The following ZNF462 variants were observed in gnomAD, a reference collection of about 807,000 sequenced individuals.
The protein encoded by ZNF462 is zinc finger PBX1-interacting protein.
Under a neutral mutation model 201.9 loss-of-function variants are expected in ZNF462, and 10 were observed. The observed-to-expected ratio is 0.05, with a 90% CI of 0.03 to 0.08. The LOEUF (loss-of-function observed/expected upper bound fraction) is 0.08. ZNF462 is among the 10% of genes least tolerant of loss of function. The probability of loss-of-function intolerance (pLI) is 1.00; values close to 1 mark genes in which losing one functional copy is unlikely to be tolerated. For synonymous variants in ZNF462, 1,227 were observed against 1,193.3 expected (o/e 1.03, Z -0.58); for missense variants, 2,523 against 3,168.3 (o/e 0.80, Z 4.89).
chr9:106,933,260 A>T lies in ZNF462; in HGVS notation c.6116+711A>T, dbSNP rs1367503462. On this transcript the variant is annotated intron_variant, in intron 5 of 12. Transcript: ENST00000277225. This position sits in a 1 kb window ranked among gnomAD's most constrained non-coding sequence, Gnocchi z 4.3. ...TAAGACTGACATGCTTTTTAAAACA[A>T]TTTTTTTAATGAAATAAATGATGGA... 6.6e-6 allele frequency: 1 copy of T among 152,486 alleles called. No homozygotes were observed. Among genetic ancestry groups the T allele is most frequent in the Non-Finnish European group, 1.5e-5 (1 of 68,260 alleles). The allele number at this position is 152,486 out of a possible 1,614,324, so 9.4% of individuals were successfully genotyped here. A position where few individuals can be genotyped will look rare whatever the true frequency, so the allele number is the denominator to read the frequency against.
intron 1 of ZNF462, among the ~76,000 whole-genome samples, chr9:106,891,647 T>G (rs373744131): frequency 3.9e-5 from 6 of 152,258 alleles, no homozygotes. Flanking sequence ...GTACCATTAA[T>G]AAATCACATC....
intron 1 of ZNF462, among the ~76,000 whole-genome samples, chr9:106,908,709 G>A (rs1442024380): frequency 6.7e-6 from 1 of 150,316 alleles, no homozygotes; most frequent in African/African-American, 2.4e-5. Flanking sequence ...AATTTCCTTT[G>A]TCCTCTTCAT....
At chr9:106,961,555 G>A (rs1196412375) in intron 7 of ZNF462, among the ~76,000 whole-genome samples, 1 of 150,304 alleles carries the variant, frequency 6.7e-6, no homozygotes, top group Non-Finnish European at 1.5e-5. Context: ...TTGGATGTTT[G>A]TAGCATGTTT....
In ZNF462 at chr9:106,885,282, C is replaced by G. The variant is rs1273982488; in HGVS notation, c.-31+21927C>G. Among the ~76,000 whole-genome samples, 2 of 152,184 alleles carry G rather than the reference C, an allele frequency of 1.3e-5. No individual in the cohort carries two copies. Among genetic ancestry groups the G allele is most frequent in the East Asian group, 3.9e-4 (2 of 5,188 alleles). On this transcript the variant is annotated intron_variant, in intron 1 of 12. Transcript: ENST00000277225. This position sits in a 1 kb window ranked among gnomAD's most constrained non-coding sequence, Gnocchi z 4.1. The stretch of plus-strand genomic sequence containing the variant: ...TGTTGTTAAGAGAATTTAATCTTCA[C>G]TTTCCTTCTAACTTTAAGAGCCTCA...
In ZNF462 at chr9:106,917,041, A is replaced by G. The variant is rs181466999; in HGVS notation, c.-30-6313A>G. ...GGACAGGAGAGCTGGCAGACTGCCT[A>G]TTGGCCTGTTGGCCTCAATTAGCCT... On this transcript the variant is annotated intron_variant, in intron 1 of 12. Coordinates refer to ENST00000277225, the MANE Select transcript of ZNF462 (RefSeq NM_021224.6). The surrounding 1 kb of genome is among the most constrained non-coding windows in gnomAD (Gnocchi z 4.5). 6.8e-4 allele frequency among the ~76,000 whole-genome samples: 103 copies of G among 152,318 alleles called. No homozygotes were observed. The highest frequency in any genetic ancestry group is 2.3e-3 in the African/African-American group (97 of 41,562).
Position 106,993,543 on chromosome 9 carries a change from C to T in ZNF462, c.7056+9134C>T, listed in dbSNP as rs561470358. On this transcript the variant is annotated intron_variant, in intron 10 of 12. Coordinates refer to ENST00000277225, the MANE Select transcript of ZNF462 (RefSeq NM_021224.6). The surrounding 1 kb of genome is among the most constrained non-coding windows in gnomAD (Gnocchi z 4.0). ...GAAATTTTATTTTTTTATCCTGTGA[C>T]TCCCTGTCTGTTTTTAATCTCAGTG... Among the ~76,000 whole-genome samples the T allele has an allele frequency of 3.9e-5, 6 of 151,966 alleles. No individual in the cohort carries two copies. The highest frequency in any genetic ancestry group is 5.9e-5 in the Non-Finnish European group (4 of 67,966).
In ZNF462 at chr9:107,009,458, G is replaced by A. The variant is rs966482155; in HGVS notation, c.7190-87G>A. Reference sequence around the variant, plus strand: ...CCACATGGCTTTATCAGTGAAGGTAGGAGAGAGGGTATCCTAATGAATGCT... The same window carrying A: ...CCACATGGCTTTATCAGTGAAGGTAAGAGAGAGGGTATCCTAATGAATGCT... On this transcript the variant is annotated intron_variant, in intron 11 of 12. Coordinates refer to ENST00000277225, the MANE Select transcript of ZNF462 (RefSeq NM_021224.6). This position sits in a 1 kb window ranked among gnomAD's most constrained non-coding sequence, Gnocchi z 6.1. The A allele has an allele frequency of 1.3e-6, 2 of 1,552,108 alleles. No individual in the cohort carries two copies. The highest frequency in any genetic ancestry group is 4.5e-5 in the East Asian group (2 of 43,964).
chr9:106,961,162 T>C (rs1831821385), intron 7 of ZNF462, among the ~76,000 whole-genome samples: 1 of 152,064 alleles, frequency 6.6e-6, no homozygotes, highest in Non-Finnish European at 1.5e-5. Flanking sequence ...CAAACATCGA[T>C]GCCTACTGAT....
intron 10 of ZNF462, among the ~76,000 whole-genome samples, chr9:106,999,710 C>T (rs1829036055): frequency 6.6e-6 from 1 of 152,136 alleles, no homozygotes; most frequent in African/African-American, 2.4e-5. Flanking sequence ...AATTCATTAA[C>T]AGTTATTATG....
At chr9:106,943,313 A>G (rs1420676679) in intron 7 of ZNF462, among the ~76,000 whole-genome samples, 2 of 152,154 alleles carry the variant, frequency 1.3e-5, no homozygotes, top group Non-Finnish European at 2.9e-5. Context: ...CTAGAATAAT[A>G]TTTGACAAAC....
At chr9:106,864,950 A>T (rs2130767152) in intron 1 of ZNF462, among the ~76,000 whole-genome samples, 1 of 152,262 alleles carries the variant, frequency 6.6e-6, no homozygotes, top group South Asian at 2.1e-4. Context: ...CCAGGAGACA[A>T]AGCTGAGATG....
chr9:106,922,587 A>C (rs1830031901), intron 1 of ZNF462, among the ~76,000 whole-genome samples: 1 of 152,210 alleles, frequency 6.6e-6, no homozygotes, highest in Admixed American at 6.5e-5. Context: ...CCAAGGTGCA[A>C]CTTTAAACAG....
chr9:106,927,237 C>A lies in ZNF462; in HGVS notation c.3325C>A (p.Leu1109Ile). 6.2e-7 allele frequency: 1 copy of A among 1,611,250 alleles called. No homozygotes were observed. Among genetic ancestry groups the A allele is most frequent in the Non-Finnish European group, 8.5e-7 (1 of 1,179,166 alleles). ...PPPPQPPPPDLSTELYYCKHC... is the reference protein window; with the variant it reads ...PPPPQPPPPDISTELYYCKHC... ...CCCCCCACAACCCCCGCCACCAGACCTCAGTACTGAGCTTTACTACTGCAA... is the reference window on the plus strand; with the variant it reads ...CCCCCCACAACCCCCGCCACCAGACATCAGTACTGAGCTTTACTACTGCAA... The change falls in exon 3 of 13, where the codon CTC becomes ATC. Residue 1109 changes from leucine to isoleucine, a missense_variant. Leu to Ile is a conservative substitution (Grantham distance 5, BLOSUM62 2). Transcript: ENST00000277225.
intron 1 of ZNF462, among the ~76,000 whole-genome samples, chr9:106,892,066 G>A (rs1041983026): frequency 2.0e-5 from 3 of 152,092 alleles, no homozygotes; most frequent in Non-Finnish European, 4.4e-5. Context: ...GAAAGAGCAG[G>A]GGATTCCATT....
In ZNF462 at chr9:106,870,808, G is replaced by A. The variant is rs1319280449; in HGVS notation, c.-31+7453G>A. Reference sequence around the variant, plus strand: ...CAGGATTTGTGGAGAGAGCTTAGCCGCCACAGAGCCCAGCTGGGGAAGGCC... The same window carrying A: ...CAGGATTTGTGGAGAGAGCTTAGCCACCACAGAGCCCAGCTGGGGAAGGCC... On this transcript the variant is annotated intron_variant, in intron 1 of 12. Transcript: ENST00000277225. This position sits in a 1 kb window ranked among gnomAD's most constrained non-coding sequence, Gnocchi z 4.3. Among the ~76,000 whole-genome samples the A allele has an allele frequency of 1.3e-5, 2 of 152,192 alleles. No individual in the cohort carries two copies. The highest frequency in any genetic ancestry group is 2.9e-5 in the Non-Finnish European group (2 of 68,034).
intron 1 of ZNF462, among the ~76,000 whole-genome samples, chr9:106,877,442 G>A (rs764036600): frequency 1.4e-4 from 21 of 151,578 alleles, no homozygotes; most frequent in African/African-American, 4.9e-5. Flanking sequence ...AGGCTGGAGT[G>A]CAGTGGCATG....
In ZNF462 at chr9:106,926,933, C is replaced by T. The variant is rs899458542; in HGVS notation, c.3021C>T (p.Asn1007=). 1.9e-6 allele frequency: 3 copies of T among 1,614,034 alleles called. No individual in the cohort carries two copies. The highest frequency in any genetic ancestry group is 1.3e-5 in the African/African-American group (1 of 74,920). ...GTTTGCCAGCTACGTTCAACAAAAA[C>T]ACTCCTAAGACCTTTACTCCTGAAT... ...GGGLPATFNK[N]TPKTFTPECE... Residue 1007 remains asparagine, a synonymous_variant, in exon 3 of 13, where the codon AAC becomes AAT. Transcript: ENST00000277225. The surrounding 1 kb of genome is among the most constrained non-coding windows in gnomAD (Gnocchi z 7.9).
chr9:106,924,219 C>T lies in ZNF462; in HGVS notation c.307C>T (p.Pro103Ser), dbSNP rs1830097210. 6.2e-7 allele frequency: 1 copy of T among 1,613,962 alleles called. No individual in the cohort carries two copies. Among genetic ancestry groups the T allele is most frequent in the Non-Finnish European group, 8.5e-7 (1 of 1,180,032 alleles). The change falls in exon 3 of 13, where the codon CCA (proline) becomes TCA (serine). Residue 103 changes from proline to serine, a missense_variant. By Grantham distance (74) the Pro-to-Ser change is moderately conservative. This residue lies in a region of ZNF462 where 480 missense variants were observed against 544.4 expected (regional missense o/e 0.88). Transcript: ENST00000277225. This position sits in a 1 kb window ranked among gnomAD's most constrained non-coding sequence, Gnocchi z 6.2. ...TCAGCATATTGCCGCTAATCCCAAA[C>T]CAACAAACAAGTTTTTTCAATGCAA... ...YGQHIAANPK[P>S]TNKFFQCKFC...
chr9:106,927,810 C>A lies in ZNF462; in HGVS notation c.3898C>A (p.Arg1300=), dbSNP rs1176008720. Residue 1300 remains arginine, a synonymous_variant, in exon 3 of 13, where the codon CGA becomes AGA. Coordinates refer to ENST00000277225, the MANE Select transcript of ZNF462 (RefSeq NM_021224.6). ...ALKATVTSIM[R]WAFLDGLIEA... Reference sequence around the variant, plus strand: ...GAAAGCCACAGTCACGTCCATCATGCGATGGGCATTTCTAGATGGCTTGAT... The same window carrying A: ...GAAAGCCACAGTCACGTCCATCATGAGATGGGCATTTCTAGATGGCTTGAT... 6.2e-7 allele frequency: 1 copy of A among 1,614,124 alleles called. No individual in the cohort carries two copies. The highest frequency in any genetic ancestry group is 8.5e-7 in the Non-Finnish European group (1 of 1,180,044).
Sources: allele counts gnomAD v4.1 joint callset (sites outside exome capture counted in the v4.1 genomes callset), GRCh38; gene constraint gnomAD v4.1.1; regional missense constraint gnomAD v4.1.1; non-coding constraint Gnocchi (gnomAD v3.1); transcripts MANE v1.5; gene names NCBI Gene and HGNC (gene_info 2026-07-23, HGNC 2026-07-21).